The following FHIT variants were observed in gnomAD, a reference collection of about 807,000 sequenced individuals.
The protein encoded by FHIT is fragile histidine triad diadenosine triphosphatase.
Under a neutral mutation model 17.9 loss-of-function variants are expected in FHIT, and 19 were observed. The ratio of observed to expected loss-of-function variants is 1.06; its 90% CI spans 0.74 to 1.56. The LOEUF (loss-of-function observed/expected upper bound fraction) is 1.56. Ranked by LOEUF, FHIT falls within the 40% of genes most tolerant of loss-of-function variation. FHIT has a pLI of 0.00. For synonymous variants in FHIT, 81 were observed against 69.7 expected, an observed-to-expected ratio of 1.16 and a Z score of -0.81; for missense variants, 248 against 189.2, an observed-to-expected ratio of 1.31 and a Z score of -1.82.
intron 5 of FHIT, among the ~76,000 whole-genome samples, chr3:60,397,179 A>C (rs910624945): frequency 2.0e-5 from 3 of 152,194 alleles, no homozygotes; most frequent in Admixed American, 6.5e-5. Context: ...TGTAGAAAAG[A>C]AGGGTAACTT....
At chr3:59,753,936 A>G (rs72884781) in intron 8 of FHIT, among the ~76,000 whole-genome samples, 2,566 of 152,266 alleles carry the variant, frequency 0.017, 80 homozygotes, top group African/African-American at 0.059. Flanking sequence ...CTCCATTTTG[A>G]AAAAGGTCAA....
At chr3:60,238,857 G>A (rs915590180) in intron 5 of FHIT, among the ~76,000 whole-genome samples, 1 of 152,182 alleles carries the variant, frequency 6.6e-6, no homozygotes. Flanking sequence ...CCCCATGACT[G>A]AGCTTTGGCA....
At position 59,807,695 on chromosome 3, in the gene FHIT, C is replaced by T. The variant is rs955567133; in HGVS notation, c.349-55374G>A. On this transcript the variant is annotated intron_variant, in intron 8 of 9. Coordinates refer to ENST00000492590, the MANE Select transcript of FHIT (RefSeq NM_002012.4). Reference sequence around the variant, plus strand: ...AAGGGGATATATCCATTGGAGGGTACCCAGGATCAGGGGTTTCAAAGATGC... The same window carrying T: ...AAGGGGATATATCCATTGGAGGGTATCCAGGATCAGGGGTTTCAAAGATGC... 1.1e-4 allele frequency among the ~76,000 whole-genome samples: 17 copies of T among 152,152 alleles called. No homozygotes were observed. The East Asian group carries it at 3.1e-3, about 28-fold the overall frequency.
At chr3:59,820,064 C>T (rs1051560870) in intron 8 of FHIT, among the ~76,000 whole-genome samples, 3 of 152,218 alleles carry the variant, frequency 2.0e-5, no homozygotes, top group African/African-American at 7.2e-5. Flanking sequence ...GGCTCCAGAA[C>T]TATGACTAAT....
chr3:59,907,120 A>T (rs1191470248), intron 8 of FHIT, among the ~76,000 whole-genome samples: 1 of 152,222 alleles, frequency 6.6e-6, no homozygotes, highest in Non-Finnish European at 1.5e-5. Flanking sequence ...AACTGCCCAT[A>T]GTCTCATTAG....
At chr3:61,229,989 C>G (rs150130896) in intron 1 of FHIT, among the ~76,000 whole-genome samples, 5 of 152,230 alleles carry the variant, frequency 3.3e-5, no homozygotes, top group Admixed American at 1.3e-4. Context: ...CAGGTTAACC[C>G]AGTAAGGGAA....
At chr3:60,729,112 G>A (rs1325284065) in intron 4 of FHIT, among the ~76,000 whole-genome samples, 2 of 152,196 alleles carry the variant, frequency 1.3e-5, no homozygotes, top group African/African-American at 4.8e-5. Flanking sequence ...TCAGTGCCCT[G>A]GTTAAACAGT....
chr3:60,081,748 G>C (rs149507177), intron 5 of FHIT, among the ~76,000 whole-genome samples: 1 of 152,098 alleles, frequency 6.6e-6, no homozygotes, highest in Non-Finnish European at 1.5e-5. Flanking sequence ...ATATGTGTGT[G>C]TGTTTTGAGA....
At chr3:60,073,040 C>A (rs953184235) in intron 5 of FHIT, among the ~76,000 whole-genome samples, 1 of 152,174 alleles carries the variant, frequency 6.6e-6, no homozygotes, top group African/African-American at 2.4e-5. Flanking sequence ...CAACTCCTAT[C>A]ATCCAAGTTT....
At chr3:60,512,945 G>C (rs574694812) in intron 5 of FHIT, among the ~76,000 whole-genome samples, 1 of 152,318 alleles carries the variant, frequency 6.6e-6, no homozygotes, top group African/African-American at 2.4e-5. Flanking sequence ...GACTGGATCT[G>C]TGTCATGGAG....
At position 59,916,535 on chromosome 3, in the gene FHIT, C is replaced by T. The variant is rs57962078; in HGVS notation, c.348+5811G>A. On this transcript the variant is annotated intron_variant, in intron 8 of 9. Transcript: ENST00000492590. ...TAGAGAACACTAATACATATATTAT[C>T]TGAATATTTGTTTCTGTGAGAAAAA... Among the ~76,000 whole-genome samples, 298 of 152,282 alleles carry T rather than the reference C, an allele frequency of 2.0e-3. 7 individuals are homozygous for T. In the East Asian group the frequency reaches 0.031, roughly 16 times the overall value.
At chr3:61,056,307 G>A (rs2034219603) in intron 2 of FHIT, among the ~76,000 whole-genome samples, 2 of 152,176 alleles carry the variant, frequency 1.3e-5, no homozygotes, top group South Asian at 4.1e-4. Context: ...TTGGGATTAG[G>A]GACCCAGCCA....
chr3:60,377,499 G>C (rs1188165212), intron 5 of FHIT, among the ~76,000 whole-genome samples: 2 of 77,112 alleles, frequency 2.6e-5, no homozygotes, highest in Non-Finnish European at 4.9e-5. Context: ...TTTTGAGACG[G>C]AGTCTCGCTC....
intron 5 of FHIT, among the ~76,000 whole-genome samples, chr3:60,265,521 T>C (rs1706526660): frequency 6.6e-6 from 1 of 151,982 alleles, no homozygotes; most frequent in Admixed American, 6.6e-5. Context: ...CTCTTAGCTA[T>C]GTCAGCAAAA....
intron 5 of FHIT, among the ~76,000 whole-genome samples, chr3:60,018,048 A>G (rs1472062048): frequency 6.6e-6 from 1 of 152,200 alleles, no homozygotes. Context: ...CAAAGAAAAG[A>G]GGTTTATCTG....
intron 5 of FHIT, among the ~76,000 whole-genome samples, chr3:60,466,018 AC>A (rs1394107502): frequency 6.6e-6 from 1 of 152,046 alleles, no homozygotes; most frequent in African/African-American, 2.4e-5. Flanking sequence ...CAAACCATGA[AC>A]ATGGAATATC....
chr3:60,713,693 T>A lies in FHIT; in HGVS notation c.-18+108226A>T, dbSNP rs2041603682. Among the ~76,000 whole-genome samples the A allele has an allele frequency of 5.3e-5, 8 of 152,136 alleles. No individual in the cohort carries two copies. In the South Asian group the frequency reaches 1.7e-3, roughly 31 times the overall value. ...GAAAATCTAGAAGAAATGGATAAAT[T>A]CCTCGACACATACACTCTCCCAAGA... is the stretch of plus-strand genomic sequence containing the variant. On this transcript the variant is annotated intron_variant, in intron 4 of 9. Coordinates refer to ENST00000492590, the MANE Select transcript of FHIT (RefSeq NM_002012.4).
rs568343619 is a variant in FHIT, at chr3:60,518,403, A to C, written c.103+18457T>G. Among the ~76,000 whole-genome samples the C allele has an allele frequency of 2.0e-5, 3 of 152,374 alleles. No homozygotes were observed. The East Asian group carries it at 5.8e-4, about 29-fold the overall frequency. On this transcript the variant is annotated intron_variant, in intron 5 of 9. Transcript: ENST00000492590. ...TAACTCCACTAGCAATTAGATAATA[A>C]AATGTAAACAGTGAGATATGTAAAA...
intron 3 of FHIT, among the ~76,000 whole-genome samples, chr3:61,031,815 C>T (rs1216522057): frequency 3.3e-5 from 5 of 150,930 alleles, no homozygotes; most frequent in African/African-American, 1.2e-4. Context: ...AATGACTGAG[C>T]GCCATCGCCT....
Sources: gnomAD v4.1 joint callset for allele counts (sites outside exome capture counted in the v4.1 genomes callset) on GRCh38, gnomAD v4.1.1 for gene constraint, MANE v1.5 for transcripts, NCBI Gene and HGNC (gene_info 2026-07-23, HGNC 2026-07-21) for gene names.